Variants in WDR5 observed in about 807,000 individuals in gnomAD.
The protein encoded by WDR5 is WD repeat domain 5, also known as WD repeat-containing protein 5.
For missense variants in WDR5, 187 were observed against 416.9 expected (o/e 0.45, Z 4.80); for synonymous variants, 144 against 161.6 (o/e 0.89, Z 0.83).
At position 134,157,820 on chromosome 9, in the gene WDR5, A is replaced by G; in HGVS notation, c.905-73A>G. On this transcript the variant is annotated intron_variant, in intron 13 of 13. Transcript: ENST00000358625. The surrounding 1 kb of genome is among the most constrained non-coding windows in gnomAD (Gnocchi z 5.0). ...TACCCGCGTTTCTGGAGAAAGGTGG[A>G]GCTCAGTCTGGGATGGCGTCCCCGA... The G allele has an allele frequency of 6.9e-7, 1 of 1,443,914 alleles. No homozygotes were observed. Among genetic ancestry groups the G allele is most frequent in the Middle Eastern group, 2.1e-4 (1 of 4,760 alleles). 89.4% of individuals were successfully genotyped at this position (1,443,914 alleles called of 1,614,324 possible).
chr9:134,152,794 C>T (rs1334663974), intron 9 of WDR5, among the ~76,000 whole-genome samples: 1 of 152,172 alleles, frequency 6.6e-6, no homozygotes, highest in Non-Finnish European at 1.5e-5. Context: ...GGCTGGGAGG[C>T]TATCTGTGGC....
At chr9:134,145,984 A>G (rs1240646889) in intron 7 of WDR5, among the ~76,000 whole-genome samples, 1 of 142,742 alleles carries the variant, frequency 7.0e-6, no homozygotes, top group Non-Finnish European at 1.5e-5. Flanking sequence ...ATTTATTTTG[A>G]GACAGAGTCT....
rs767740903 is a variant in WDR5 at position 134,142,623 on chromosome 9, CTT to C, written c.445-10_445-9del. The C allele has an allele frequency of 2.8e-4, 447 of 1,614,134 alleles. No homozygotes were observed. The highest frequency in any genetic ancestry group is 3.7e-4 in the Non-Finnish European group (434 of 1,179,990). ...CCTTCCTGTAAAATCACTGTCATCT[CTT>C]TTGTGTTCAGTTTGACGAAAGCGTG... On this transcript the variant is annotated splice_polypyrimidine_tract_variant and intron_variant, in intron 6 of 13. Transcript: ENST00000358625.
At chr9:134,152,754 C>T (rs1263363276) in intron 9 of WDR5, among the ~76,000 whole-genome samples, 1 of 152,200 alleles carries the variant, frequency 6.6e-6, no homozygotes, top group African/African-American at 2.4e-5. Context: ...CTGTCATAGC[C>T]TGCTGGCCTA....
chr9:134,140,607 C>T, intron 2 of WDR5, 96 bp from the exon 3 acceptor site: 2 of 1,000,150 alleles, frequency 2.0e-6, no homozygotes, highest in African/African-American at 1.6e-5. Flanking sequence ...CTCTAAAGAT[C>T]TGAGCTGAAA....
chr9:134,140,511 A>G (rs1375393272), intron 2 of WDR5, among the ~76,000 whole-genome samples, 192 bp from the exon 3 acceptor site: 3 of 152,176 alleles, frequency 2.0e-5, no homozygotes, highest in Non-Finnish European at 2.9e-5. Context: ...GTGGGGAAGT[A>G]GTGGGCTCAG....
chr9:134,141,087 G>T lies in WDR5; in HGVS notation c.190+276G>T, dbSNP rs1223075881. On this transcript the variant is annotated intron_variant, in intron 3 of 13. Coordinates refer to ENST00000358625, the MANE Select transcript of WDR5 (RefSeq NM_017588.3). ...TCACGAGGTCAGGAGTTCGAGAGCA[G>T]CCTGGCCAATATGGTGAAACCCTGT... 3.9e-5 allele frequency among the ~76,000 whole-genome samples: 6 copies of T among 152,264 alleles called. No individual in the cohort carries two copies. The East Asian group carries it at 1.2e-3, about 29-fold the overall frequency.
At chr9:134,135,500 C>G (rs1382278934), upstream of WDR5, 1 of 152,284 alleles carries the variant, frequency 6.6e-6, no homozygotes, top group Non-Finnish European at 1.5e-5. Context: ...GCCCGGCAGC[C>G]GGCCCCGCGG....
chr9:134,150,250 T>C (rs1832423041), intron 8 of WDR5, among the ~76,000 whole-genome samples: 2 of 152,238 alleles, frequency 1.3e-5, no homozygotes, highest in Admixed American at 1.3e-4. Flanking sequence ...GCCAAGGAAT[T>C]CATTCATTAT....
chr9:134,137,576 C>T (rs1261635534), intron 1 of WDR5, among the ~76,000 whole-genome samples: 1 of 148,384 alleles, frequency 6.7e-6, no homozygotes, highest in Non-Finnish European at 1.5e-5. Flanking sequence ...CCCGGCTAAA[C>T]TGGAGGCTGA....
chr9:134,156,843 G>A (rs578160598), intron 13 of WDR5, among the ~76,000 whole-genome samples: 1 of 152,230 alleles, frequency 6.6e-6, no homozygotes, highest in Non-Finnish European at 1.5e-5. Context: ...ATGCTGGTCC[G>A]GAAGGTGTGT....
At chr9:134,148,564 T>C (rs1008204037) in intron 8 of WDR5, among the ~76,000 whole-genome samples, 14 of 151,746 alleles carry the variant, frequency 9.2e-5, no homozygotes, top group African/African-American at 3.4e-4. Flanking sequence ...AAGATGTCCT[T>C]GTTGTTAGGG....
chr9:134,140,050 C>G, intron 2 of WDR5, 92 bp downstream of exon 2: 2 of 1,426,108 alleles, frequency 1.4e-6, no homozygotes, highest in Non-Finnish European at 2.0e-6. Context: ...CTAGTCTTCC[C>G]TACTCAGTTA....
chr9:134,149,678 T>A (rs994625540), intron 8 of WDR5, among the ~76,000 whole-genome samples: 3 of 152,056 alleles, frequency 2.0e-5, no homozygotes, highest in Admixed American at 1.3e-4. Context: ...CCAAGGAAAT[T>A]AGGAGGGAAA....
intron 3 of WDR5, among the ~76,000 whole-genome samples, 188 bp from the exon 4 acceptor site, chr9:134,141,322 C>T (rs906610863): frequency 2.6e-5 from 4 of 151,968 alleles, no homozygotes; most frequent in South Asian, 2.1e-4. Flanking sequence ...AGAAATTGCC[C>T]GTGGACCCTG....
At chr9:134,153,206 G>A (rs1474396177) in intron 9 of WDR5, among the ~76,000 whole-genome samples, 1 of 152,120 alleles carries the variant, frequency 6.6e-6, no homozygotes, top group Non-Finnish European at 1.5e-5. Context: ...TAACCCTCAC[G>A]GCCACCTCTG....
At chr9:134,156,410 G>A (rs1832742112) in intron 12 of WDR5, 96 bp from the exon 13 acceptor site, 10 of 1,259,752 alleles carry the variant, frequency 7.9e-6, no homozygotes, top group African/African-American at 2.9e-5. Flanking sequence ...CAGGGTGGGC[G>A]TGGGGCAGGG....
At chr9:134,154,366 A>G (rs1832652556) in intron 9 of WDR5, 100 bp from the exon 10 acceptor site, 2 of 1,228,190 alleles carry the variant, frequency 1.6e-6, no homozygotes, top group Admixed American at 1.7e-5. Flanking sequence ...GGCCGACCTC[A>G]CTCAGATGTC....
At chr9:134,153,372 C>T (rs1391115997) in intron 9 of WDR5, among the ~76,000 whole-genome samples, 1 of 152,168 alleles carries the variant, frequency 6.6e-6, no homozygotes, top group African/African-American at 2.4e-5. Flanking sequence ...ATCGGCGTCT[C>T]CTCAGGTCTA....
Sources: allele counts gnomAD v4.1 joint callset (sites outside exome capture counted in the v4.1 genomes callset), GRCh38; gene constraint gnomAD v4.1.1; non-coding constraint Gnocchi (gnomAD v3.1); transcripts MANE v1.5; gene names NCBI Gene and HGNC (gene_info 2026-07-23, HGNC 2026-07-21).